PITPNM2: variants seen among roughly 807,000 people sequenced by gnomAD.
The protein encoded by PITPNM2 is membrane-associated phosphatidylinositol transfer protein 2.
In PITPNM2, 35 loss-of-function variants were observed where a neutral mutation model predicts 132.2. The ratio of observed to expected loss-of-function variants is 0.26; its 90% CI spans 0.20 to 0.35. The LOEUF (loss-of-function observed/expected upper bound fraction) is 0.35, where lower values mean the gene tolerates loss of function less well. Among genes scored for constraint, PITPNM2 ranks in the 10% least tolerant of loss-of-function variants. PITPNM2 has a pLI of 1.00. For synonymous variants in PITPNM2, 738 were observed against 799.2 expected (o/e 0.92, Z 1.29); for missense variants, 1,332 against 1,912.0 (o/e 0.70, Z 5.66).
chr12:123,127,984 T>C (rs548722445), intron 1 of PITPNM2, among the ~76,000 whole-genome samples: 1 of 152,180 alleles, frequency 6.6e-6, no homozygotes, highest in South Asian at 2.1e-4. Context: ...GAAGGCATGC[T>C]TGTCTTGCAA....
intron 2 of PITPNM2, among the ~76,000 whole-genome samples, chr12:123,105,758 G>A (rs1384460533): frequency 1.3e-5 from 2 of 152,196 alleles, no homozygotes; most frequent in Non-Finnish European, 2.9e-5. Flanking sequence ...CCATGGAGAA[G>A]TACTGGAAAT....
At position 122,990,591 on chromosome 12, in the gene PITPNM2, C is replaced by T. The variant is rs1019907835; in HGVS notation, c.2523G>A (p.Gln841=). The change falls in exon 17 of 26, where the codon CAG becomes CAA. Residue 841 remains glutamine (Q), a synonymous_variant. Coordinates refer to ENST00000320201, the MANE Select transcript of PITPNM2 (RefSeq NM_020845.3). ...RRASEISIAS[Q]VSGMAESYTA... ...TGTAGCTCTCAGCCATGCCTGACAC[C>T]TGGCTGGCGATGCTGATCTCACTGG... The T allele has an allele frequency of 6.2e-7, 1 of 1,612,838 alleles. No homozygotes were observed. The highest frequency in any genetic ancestry group is 8.5e-7 in the Non-Finnish European group (1 of 1,179,982).
upstream of PITPNM2, among the ~76,000 whole-genome samples, chr12:123,151,778 C>G (rs922057377): frequency 3.3e-5 from 5 of 152,184 alleles, no homozygotes; most frequent in South Asian, 6.2e-4. Flanking sequence ...TTAGGTTGAG[C>G]CAGGGTGGAC....
Position 123,023,290 on chromosome 12 carries a change from G to C in PITPNM2, c.79-9248C>G, listed in dbSNP as rs2039740933. On this transcript the variant is annotated intron_variant, in intron 3 of 25. Transcript: ENST00000320201. This position sits in a 1 kb window ranked among gnomAD's most constrained non-coding sequence, Gnocchi z 4.8. Reference sequence around the variant, plus strand: ...AGAATGTCAGTGCGCAGGCGTGCATGCGTGCACACACATGTGGCGTGTGTG... The same window carrying C: ...AGAATGTCAGTGCGCAGGCGTGCATCCGTGCACACACATGTGGCGTGTGTG... Among the ~76,000 whole-genome samples, 1 of 152,246 alleles carries C rather than the reference G, an allele frequency of 6.6e-6. No homozygotes were observed. The highest frequency in any genetic ancestry group is 6.5e-5 in the Admixed American group (1 of 15,288).
rs752716452 is a variant in PITPNM2 at position 123,095,057 on chromosome 12, C to T, written c.-96+15328G>A. 2.6e-5 allele frequency among the ~76,000 whole-genome samples: 4 copies of T among 152,180 alleles called. No individual in the cohort carries two copies. The highest frequency in any genetic ancestry group is 6.5e-5 in the Admixed American group (1 of 15,278). On this transcript the variant is annotated intron_variant, in intron 2 of 25. Coordinates refer to ENST00000320201, the MANE Select transcript of PITPNM2 (RefSeq NM_020845.3). This position sits in a 1 kb window ranked among gnomAD's most constrained non-coding sequence, Gnocchi z 5.0. ...ACTTTTTCTTTGGTCACTTCTTTTT[C>T]GGGGCACTGGGGCTCACAGCACGGC...
In PITPNM2 at chr12:123,121,074, G is replaced by A. The variant is rs550876235; in HGVS notation, c.-199-10586C>T. Among the ~76,000 whole-genome samples the A allele has an allele frequency of 7.6e-4, 115 of 152,280 alleles. 1 individual carries two copies. Among genetic ancestry groups the A allele is most frequent in the African/African-American group, 2.7e-3 (112 of 41,550 alleles). ...AGGCCCAGCCCAGGCTCCTTCTCTGGGGAGCTGACTCTGGCTCCAGCCCTC... is the reference window on the plus strand; with the variant it reads ...AGGCCCAGCCCAGGCTCCTTCTCTGAGGAGCTGACTCTGGCTCCAGCCCTC... On this transcript the variant is annotated intron_variant, in intron 1 of 25. Coordinates refer to ENST00000320201, the MANE Select transcript of PITPNM2 (RefSeq NM_020845.3).
At chr12:123,091,711 A>T (rs61396549) in intron 2 of PITPNM2, 7,496 of 152,314 alleles carry the variant, frequency 0.049, 616 homozygotes, top group African/African-American at 0.17. Flanking sequence ...CCACACTGAT[A>T]CACACTGGAA....
At chr12:122,988,658 G>A in intron 19 of PITPNM2, 66 bp downstream of exon 19, 1 of 1,475,002 alleles carries the variant, frequency 6.8e-7, no homozygotes, top group Non-Finnish European at 9.1e-7. Flanking sequence ...CCTCGTCTGT[G>A]AAATGTGGCC....
chr12:123,040,772 C>T (rs537482701), intron 2 of PITPNM2, among the ~76,000 whole-genome samples: 14 of 150,498 alleles, frequency 9.3e-5, no homozygotes, highest in African/African-American at 2.9e-4. Context: ...AAAAAGATCA[C>T]GTAGAACATG....
chr12:123,019,564 G>C (rs1465895331), intron 3 of PITPNM2, among the ~76,000 whole-genome samples: 2 of 152,200 alleles, frequency 1.3e-5, no homozygotes, highest in African/African-American at 4.8e-5. Context: ...CAGGCAGCAG[G>C]GTCTCTGAGA....
Position 122,995,379 on chromosome 12 carries a change from C to T in PITPNM2, c.2054+10G>A. The T allele has an allele frequency of 1.3e-6, 2 of 1,579,324 alleles. No individual in the cohort carries two copies. Among genetic ancestry groups the T allele is most frequent in the South Asian group, 1.2e-5 (1 of 84,698 alleles). On this transcript the variant is annotated intron_variant, in intron 14 of 25. Coordinates refer to ENST00000320201, the MANE Select transcript of PITPNM2 (RefSeq NM_020845.3). ...CCAGAGGCAAGCCCCAGCCCCCCAG[C>T]CCTGCCCACCTGGACAGGAAGGCCT...
At chr12:122,991,876 A>G (rs2136084109) in intron 16 of PITPNM2, 4 of 1,313,308 alleles carry the variant, frequency 3.0e-6, no homozygotes, top group Non-Finnish European at 2.9e-6. Context: ...GGACCAGCTC[A>G]GGGTTTCTCT....
In PITPNM2 at chr12:123,015,309, CA is replaced by C. The variant is rs1164042258; in HGVS notation, c.79-1268del. ...AACCTTACTACAAAACTACAGTAAT[CA>C]AAAAAGTGTAGCACTGGATAGGATA... On this transcript the variant is annotated intron_variant, in intron 3 of 25. Transcript: ENST00000320201. 6.6e-5 allele frequency among the ~76,000 whole-genome samples: 10 copies of C among 152,114 alleles called. 1 individual carries two copies. The South Asian group carries it at 1.9e-3, about 28-fold the overall frequency.
intron 2 of PITPNM2, among the ~76,000 whole-genome samples, chr12:123,068,270 A>G (rs1566276207): frequency 6.6e-6 from 1 of 152,060 alleles, no homozygotes; most frequent in Non-Finnish European, 1.5e-5. Flanking sequence ...GATCGAGAAC[A>G]TCCTGGCTAA....
Position 123,005,311 on chromosome 12 carries a change from G to A in PITPNM2, c.881C>T (p.Pro294Leu), listed in dbSNP as rs2038880409. 11 of 1,614,022 alleles carry A rather than the reference G, an allele frequency of 6.8e-6. No homozygotes were observed. Among genetic ancestry groups the A allele is most frequent in the East Asian group, 2.2e-5 (1 of 44,868 alleles). Residue 294 changes from proline (P) to leucine (L), a missense_variant, in exon 7 of 26, where the codon CCC becomes CTC. Coordinates refer to ENST00000320201, the MANE Select transcript of PITPNM2 (RefSeq NM_020845.3). The surrounding 1 kb of genome is among the most constrained non-coding windows in gnomAD (Gnocchi z 6.2). ...TTTCTTGAGGCCGCGCCCCACTAGG[G>A]GCTCCCCATTGCTGCTGCTGGGCTC... ...PPEPSSSNGE[P>L]LVGRGLKKQW...
At chr12:123,088,246 G>C (rs966045752) in intron 2 of PITPNM2, 8 of 152,080 alleles carry the variant, frequency 5.3e-5, no homozygotes, top group African/African-American at 1.9e-4. Flanking sequence ...GATATTACAT[G>C]ACTTGCTTTC....
rs553632402 is a variant in PITPNM2 at position 123,042,319 on chromosome 12, T to C, written c.-95-7634A>G. Among the ~76,000 whole-genome samples, 5 of 152,080 alleles carry C rather than the reference T, an allele frequency of 3.3e-5. No individual in the cohort carries two copies. In the East Asian group the frequency reaches 9.7e-4, roughly 29 times the overall value. On this transcript the variant is annotated intron_variant, in intron 2 of 25. Transcript: ENST00000320201. ...GAAGACTTAAAGTGGATTACTGGGG[T>C]TTGGCCCAGGACGAGGCGACGTGGA...
At chr12:123,057,772 C>A (rs151012794) in intron 2 of PITPNM2, among the ~76,000 whole-genome samples, 128 of 152,288 alleles carry the variant, frequency 8.4e-4, no homozygotes, top group African/African-American at 3.0e-3. Flanking sequence ...GAGGAACAAG[C>A]CCTAGGAGGC....
In PITPNM2 at chr12:123,006,606, G is replaced by T. The variant is rs185838469; in HGVS notation, c.644-1058C>A. ...TGTGTGTCTGTGGTCCCAGCTACTT[G>T]TGAGGTGGAGGTGGGGGGATCGCTT... On this transcript the variant is annotated intron_variant, in intron 6 of 25. Coordinates refer to ENST00000320201, the MANE Select transcript of PITPNM2 (RefSeq NM_020845.3). Among the ~76,000 whole-genome samples, 16 of 151,098 alleles carry T rather than the reference G, an allele frequency of 1.1e-4. No individual in the cohort carries two copies. The East Asian group carries it at 3.1e-3, about 29-fold the overall frequency.
Sources: allele counts gnomAD v4.1 joint callset (sites outside exome capture counted in the v4.1 genomes callset), GRCh38; gene constraint gnomAD v4.1.1; non-coding constraint Gnocchi (gnomAD v3.1); transcripts MANE v1.5; gene names NCBI Gene and HGNC (gene_info 2026-07-23, HGNC 2026-07-21).